Variants in BCL9 observed in about 807,000 individuals in gnomAD.
The protein encoded by BCL9 is BCL9 transcription coactivator, also known as B-cell CLL/lymphoma 9 protein.
BCL9 carries 25 observed loss-of-function variants against 88.5 expected under a neutral mutation model. The ratio of observed to expected loss-of-function variants is 0.28; its 90% CI spans 0.21 to 0.39. The LOEUF (loss-of-function observed/expected upper bound fraction) is 0.39. Among genes scored for constraint, BCL9 ranks in the 10% least tolerant of loss-of-function variants. BCL9 has a pLI of 1.00. For synonymous variants in BCL9, 711 were observed against 673.3 expected (o/e 1.06, Z -0.87); for missense variants, 1,817 against 1,877.8 (o/e 0.97, Z 0.60).
chr1:147,546,951 G>A (rs1654631011), intron 1 of BCL9, among the ~76,000 whole-genome samples: 1 of 152,100 alleles, frequency 6.6e-6, no homozygotes, highest in South Asian at 2.1e-4. Flanking sequence ...GACGGGCACT[G>A]GGTACATCTC....
chr1:147,586,302 A>T (rs1216981088), intron 1 of BCL9, among the ~76,000 whole-genome samples: 2 of 151,768 alleles, frequency 1.3e-5, no homozygotes, highest in Non-Finnish European at 2.9e-5. Context: ...ACCAAAATTC[A>T]GTCCTCATTA....
intron 1 of BCL9, among the ~76,000 whole-genome samples, chr1:147,586,882 GCT>G (rs1656628112): frequency 6.6e-6 from 1 of 152,024 alleles, no homozygotes. Context: ...AATTTAAGAT[GCT>G]CTGTTTTACA....
At chr1:147,615,699 C>A in intron 6 of BCL9, 104 bp from the exon 7 acceptor site, 3 of 756,740 alleles carry the variant, frequency 4.0e-6, no homozygotes, top group Non-Finnish European at 6.4e-6. Context: ...CTTTCTATTC[C>A]TTCCTCTCCC....
At chr1:147,562,094 C>A (rs955661315) in intron 1 of BCL9, among the ~76,000 whole-genome samples, 1 of 152,044 alleles carries the variant, frequency 6.6e-6, no homozygotes, top group African/African-American at 2.4e-5. Context: ...TTTAGGAGGC[C>A]GAGGCGGGCG....
Position 147,609,362 on chromosome 1 carries a change from T to G in BCL9, c.-259-2216T>G, listed in dbSNP as rs1215105468. Among the ~76,000 whole-genome samples the G allele has an allele frequency of 3.3e-5, 5 of 152,296 alleles. No individual in the cohort carries two copies. In the East Asian group the frequency reaches 9.7e-4, roughly 29 times the overall value. On this transcript the variant is annotated intron_variant, in intron 3 of 9. Coordinates refer to ENST00000234739, the MANE Select transcript of BCL9 (RefSeq NM_004326.4). The stretch of plus-strand genomic sequence containing the variant: ...TTCCTTGGGCTAGGGATTGAAAAAC[T>G]TAGATTTTGATCCCAGTCACTGGGT...
intron 1 of BCL9, among the ~76,000 whole-genome samples, chr1:147,555,904 T>C (rs1490073144): frequency 2.0e-5 from 3 of 152,228 alleles, no homozygotes; most frequent in Non-Finnish European, 4.4e-5. Context: ...TGCACTCATA[T>C]TTCATTACTT....
Position 147,612,943 on chromosome 1 carries a change from A to G in BCL9, c.114A>G (p.Gly38=). ...CCCCTACAGTGATGTCCCCATCTGGAAACCCCCAGCTGGATTCCAAATTCT... is the reference window on the plus strand; with the variant it reads ...CCCCTACAGTGATGTCCCCATCTGGGAACCCCCAGCTGGATTCCAAATTCT... ...VRPPTVMSPS[G]NPQLDSKFSN... Residue 38 remains glycine, a synonymous_variant, in exon 5 of 10, where the codon GGA becomes GGG. Transcript: ENST00000234739. 1 of 1,613,884 alleles carries G rather than the reference A, an allele frequency of 6.2e-7. No homozygotes were observed.
Position 147,625,045 on chromosome 1 carries a change from CT to C in BCL9, c.*87del, listed in dbSNP as rs1439586727. 2 of 1,498,048 alleles carry C rather than the reference CT, an allele frequency of 1.3e-6. No individual in the cohort carries two copies. The highest frequency in any genetic ancestry group is 1.4e-5 in the African/African-American group (1 of 72,160). 92.8% of individuals were successfully genotyped at this position (1,498,048 alleles called of 1,614,324 possible). A position where few individuals can be genotyped will look rare whatever the true frequency, so the allele number is the denominator to read the frequency against. On this transcript the variant is annotated 3_prime_UTR_variant, in exon 10 of 10. Coordinates refer to ENST00000234739, the MANE Select transcript of BCL9 (RefSeq NM_004326.4). The stretch of plus-strand genomic sequence containing the variant: ...TTTGAGGGAGTTCCAGGAGTACTTA[CT>C]ATTGGTCATGCAATAGGAGAACAGA...
rs781809177 is a variant in BCL9 at position 147,623,956 on chromosome 1, C to T, written c.3278C>T (p.Pro1093Leu). 1 of 1,614,178 alleles carries T rather than the reference C, an allele frequency of 6.2e-7. No individual in the cohort carries two copies. The highest frequency in any genetic ancestry group is 1.1e-5 in the South Asian group (1 of 91,080). The change falls in exon 10 of 10, where the codon CCC becomes CTC. Residue 1093 changes from proline to leucine, a missense_variant. Pro to Leu is a moderately conservative substitution (Grantham distance 98). Coordinates refer to ENST00000234739, the MANE Select transcript of BCL9 (RefSeq NM_004326.4). The part of the protein sequence containing the change: ...TQPLSHSNQM[P>L]SPNAVGPNIP... The stretch of plus-strand genomic sequence containing the variant: ...CCACTTTCTCACTCCAATCAGATGC[C>T]CTCTCCAAATGCCGTGGGACCCAAC...
intron 1 of BCL9, among the ~76,000 whole-genome samples, chr1:147,572,446 A>G (rs1570841669): frequency 1.3e-5 from 2 of 152,312 alleles, no homozygotes; most frequent in East Asian, 3.9e-4. Flanking sequence ...GCATTGATAG[A>G]CATCACTTCC....
At chr1:147,571,005 G>A (rs587609726) in intron 1 of BCL9, among the ~76,000 whole-genome samples, 79 of 151,500 alleles carry the variant, frequency 5.2e-4, no homozygotes, top group African/African-American at 1.9e-3. Flanking sequence ...TGTTGCTATC[G>A]GGGTATTTGC....
At chr1:147,596,617 G>A (rs1657067359) in intron 1 of BCL9, among the ~76,000 whole-genome samples, 1 of 151,854 alleles carries the variant, frequency 6.6e-6, no homozygotes, top group African/African-American at 2.4e-5. Flanking sequence ...GTTTCACCGT[G>A]TTAGCCAGGA....
At chr1:147,617,492 T>G (rs1236569266) in intron 7 of BCL9, among the ~76,000 whole-genome samples, 1 of 151,546 alleles carries the variant, frequency 6.6e-6, no homozygotes, top group African/African-American at 2.4e-5. Flanking sequence ...AATATACTTT[T>G]AACTGTACAG....
chr1:147,581,976 G>T (rs958774026), intron 1 of BCL9, among the ~76,000 whole-genome samples: 19 of 152,056 alleles, frequency 1.2e-4, no homozygotes, highest in South Asian at 1.0e-3. Flanking sequence ...TCATTGTAGA[G>T]AACTAAAACA....
intron 1 of BCL9, among the ~76,000 whole-genome samples, chr1:147,598,608 A>G (rs1657157991): frequency 6.6e-6 from 1 of 152,228 alleles, no homozygotes; most frequent in Admixed American, 6.5e-5. Flanking sequence ...CATGGGTGAT[A>G]GAAGCAAGAG....
At chr1:147,586,060 T>G (rs782513145) in intron 1 of BCL9, among the ~76,000 whole-genome samples, 1 of 152,152 alleles carries the variant, frequency 6.6e-6, no homozygotes, top group Non-Finnish European at 1.5e-5. Flanking sequence ...TCACTATTAT[T>G]GGCCTCTCTG....
intron 1 of BCL9, among the ~76,000 whole-genome samples, chr1:147,546,504 A>T (rs1654602634): frequency 6.6e-6 from 1 of 152,156 alleles, no homozygotes; most frequent in South Asian, 2.1e-4. Context: ...TGGTTTTGCC[A>T]GTCTGTGGCC....
chr1:147,618,674 G>A, intron 7 of BCL9, 142 bp from the exon 8 acceptor site: 1 of 753,504 alleles, frequency 1.3e-6, no homozygotes, highest in Non-Finnish European at 1.9e-6. Flanking sequence ...GCCCAAAAGA[G>A]GGTTGTACGT....
intron 4 of BCL9, among the ~76,000 whole-genome samples, chr1:147,612,581 G>A (rs186673001): frequency 1.3e-5 from 2 of 152,308 alleles, no homozygotes; most frequent in Admixed American, 6.5e-5. Flanking sequence ...TAGTGTAAGA[G>A]TCACCTCTCT....
Sources: gnomAD v4.1 joint callset for allele counts (sites outside exome capture counted in the v4.1 genomes callset) on GRCh38, gnomAD v4.1.1 for gene constraint, MANE v1.5 for transcripts, NCBI Gene and HGNC (gene_info 2026-07-23, HGNC 2026-07-21) for gene names.